The following NOS1 variants were observed in gnomAD, a reference collection of about 807,000 sequenced individuals.
NOS1 encodes the protein NOS type I.
A neutral mutation model predicts 164.5 loss-of-function variants in NOS1; 51 were observed. The ratio of observed to expected loss-of-function variants is 0.31; its 90% CI spans 0.25 to 0.39. NOS1 has a LOEUF of 0.39. NOS1 is among the 10% of genes least tolerant of loss of function. The pLI, the probability that NOS1 is intolerant of heterozygous loss-of-function variation, is 1.00. For synonymous variants in NOS1, 719 were observed against 745.8 expected, an observed-to-expected ratio of 0.96 and a Z score of 0.59; for missense variants, 1,362 against 1,885.6, an observed-to-expected ratio of 0.72 and a Z score of 5.14.
At chr12:117,285,429 C>T in intron 6 of NOS1, 97 bp from the exon 7 acceptor site, 2 of 637,506 alleles carry the variant, frequency 3.1e-6, no homozygotes, top group African/African-American at 1.8e-5. Flanking sequence ...GATCCCACTC[C>T]AGCTGCTGCT....
chr12:117,288,616 T>G (rs1029266269), intron 4 of NOS1, among the ~76,000 whole-genome samples: 1 of 152,160 alleles, frequency 6.6e-6, no homozygotes, highest in Non-Finnish European at 1.5e-5. Flanking sequence ...TTCCCCTCCC[T>G]GTATTCACAC....
intron 1 of NOS1, among the ~76,000 whole-genome samples, chr12:117,343,713 G>GT (rs1377671922): frequency 6.6e-6 from 1 of 152,196 alleles, no homozygotes; most frequent in Non-Finnish European, 1.5e-5. Context: ...TTGCACATCA[G>GT]TGTTAACTTG....
chr12:117,210,537 C>T lies in NOS1; in HGVS notation c.*4772G>A. 2 of 985,364 alleles carry T rather than the reference C, an allele frequency of 2.0e-6. No individual in the cohort carries two copies. The highest frequency in any genetic ancestry group is 2.4e-6 in the Non-Finnish European group (2 of 829,962). 61.0% of individuals were successfully genotyped at this position (985,364 alleles called of 1,614,324 possible). ...CTGGTTTAAAACACAGGCTAGAAGT[C>T]CACAGATTTCCTAATGGCAAGAATG... On this transcript the variant is annotated 3_prime_UTR_variant, in exon 29 of 29. Coordinates refer to ENST00000317775, the MANE Select transcript of NOS1 (RefSeq NM_000620.5).
rs1875543389 is a variant in NOS1 at position 117,331,442 on chromosome 12, C to T, written c.-373G>A. On this transcript the variant is annotated 5_prime_UTR_variant, in exon 2 of 29. Coordinates refer to ENST00000317775, the MANE Select transcript of NOS1 (RefSeq NM_000620.5). ...TAGATGTGAACTATTCTCTGGGTAT[C>T]TTCATTGCCAGCCTGTTAGATGCGG... 1 of 205,608 alleles carries T rather than the reference C, an allele frequency of 4.9e-6. No individual in the cohort carries two copies. The highest frequency in any genetic ancestry group is 5.1e-5 in the Admixed American group (1 of 19,420). The allele number at this position is 205,608 out of a possible 1,614,324, so 12.7% of individuals were successfully genotyped here.
At chr12:117,244,521 G>GAGT (rs1357459042) in intron 18 of NOS1, among the ~76,000 whole-genome samples, 1 of 152,218 alleles carries the variant, frequency 6.6e-6, no homozygotes, top group Non-Finnish European at 1.5e-5. Context: ...TTGCAGGCAT[G>GAGT]AGTCACCATG....
rs56108123 is a variant in NOS1 at position 117,234,444 on chromosome 12, T to A, written c.3235+121A>T. 2.9e-6 allele frequency: 3 copies of A among 1,027,734 alleles called. No individual in the cohort carries two copies. Among genetic ancestry groups the A allele is most frequent in the East Asian group, 2.6e-5 (1 of 39,144 alleles). The allele number at this position is 1,027,734 out of a possible 1,614,324, so 63.7% of individuals were successfully genotyped here. On this transcript the variant is annotated intron_variant, in intron 21 of 28. Coordinates refer to ENST00000317775, the MANE Select transcript of NOS1 (RefSeq NM_000620.5). The surrounding 1 kb of genome is among the most constrained non-coding windows in gnomAD (Gnocchi z 4.3). Reference sequence around the variant, plus strand: ...GGATATCTTTAGTCTCATAGGCTGTTAGCAACAGACACCCACTCTCCTGCC... The same window carrying A: ...GGATATCTTTAGTCTCATAGGCTGTAAGCAACAGACACCCACTCTCCTGCC...
chr12:117,274,897 G>A (rs570117525), intron 9 of NOS1, among the ~76,000 whole-genome samples: 3 of 151,876 alleles, frequency 2.0e-5, no homozygotes, highest in Non-Finnish European at 4.4e-5. Context: ...AACAACGGAT[G>A]AATGGATAAA....
rs562219731 is a variant in NOS1, at chr12:117,258,426, C to T, written c.2502G>A (p.Arg834=). ...TTTCTTCCTGCACAGAGTTGGGGTGCCTCATTTCCATCAAAGCACAGCCGA... is the reference window on the plus strand; with the variant it reads ...TTTCTTCCTGCACAGAGTTGGGGTGTCTCATTTCCATCAAAGCACAGCCGA... ...EKFGCALMEM[R]HPNSVQEERK... is the part of the protein sequence containing the mutation. The change falls in exon 16 of 29, where the codon AGG becomes AGA. Residue 834 remains arginine, a synonymous_variant. Transcript: ENST00000317775. The T allele has an allele frequency of 1.6e-4, 256 of 1,614,138 alleles. No individual in the cohort carries two copies. The East Asian group carries it at 3.4e-3, about 21-fold the overall frequency.
chr12:117,356,623 G>T lies in NOS1; in HGVS notation c.-421+4889C>A, dbSNP rs576820853. 6.6e-6 allele frequency among the ~76,000 whole-genome samples: 1 copy of T among 152,216 alleles called. No homozygotes were observed. Among genetic ancestry groups the T allele is most frequent in the Non-Finnish European group, 1.5e-5 (1 of 68,032 alleles). ...GGCCTTGCCATTTAACACGTGTCAT[G>T]ACACATACAATAAATGTGCTGACGT... On this transcript the variant is annotated intron_variant, in intron 1 of 28. Coordinates refer to ENST00000317775, the MANE Select transcript of NOS1 (RefSeq NM_000620.5). This position sits in a 1 kb window ranked among gnomAD's most constrained non-coding sequence, Gnocchi z 4.2.
At chr12:117,278,448 A>G (rs1873356274) in intron 8 of NOS1, among the ~76,000 whole-genome samples, 2 of 152,178 alleles carry the variant, frequency 1.3e-5, no homozygotes, top group African/African-American at 4.8e-5. Context: ...TTCCCTGCCC[A>G]CTGGAATTCC....
intron 5 of NOS1, 109 bp from the exon 6 acceptor site, chr12:117,286,375 T>C (rs1874119525): frequency 8.4e-7 from 1 of 1,185,066 alleles, no homozygotes; most frequent in African/African-American, 1.5e-5. Flanking sequence ...AATTCCAAGT[T>C]GATTTCTGGA....
At chr12:117,249,081 A>G (rs1254912141) in intron 17 of NOS1, among the ~76,000 whole-genome samples, 1 of 152,132 alleles carries the variant, frequency 6.6e-6, no homozygotes, top group South Asian at 2.1e-4. Flanking sequence ...AGTTCATTGT[A>G]GATTCTGGAT....
intron 2 of NOS1, among the ~76,000 whole-genome samples, chr12:117,323,493 T>C (rs1875087619): frequency 6.6e-6 from 1 of 152,242 alleles, no homozygotes; most frequent in Non-Finnish European, 1.5e-5. Context: ...TTGCTAGCTG[T>C]GTGATCTGGG....
chr12:117,332,552 C>T (rs1348719556), intron 1 of NOS1, among the ~76,000 whole-genome samples: 1 of 151,960 alleles, frequency 6.6e-6, no homozygotes, highest in Middle Eastern at 3.2e-3. Flanking sequence ...CATAGCAAGA[C>T]CCTTTCTCTA....
chr12:117,312,915 A>G (rs1288974185), intron 2 of NOS1, among the ~76,000 whole-genome samples: 2 of 152,074 alleles, frequency 1.3e-5, no homozygotes, highest in African/African-American at 2.4e-5. Context: ...GACCACTACC[A>G]CAATCATCAC....
At chr12:117,219,607 G>A (rs148247083) in intron 27 of NOS1, among the ~76,000 whole-genome samples, 3 of 152,018 alleles carry the variant, frequency 2.0e-5, no homozygotes, top group Non-Finnish European at 4.4e-5. Flanking sequence ...GAGCCCAGCC[G>A]GGGTGAGTTT....
intron 1 of NOS1, among the ~76,000 whole-genome samples, chr12:117,350,576 T>C (rs1876569969): frequency 6.6e-6 from 1 of 152,312 alleles, no homozygotes; most frequent in East Asian, 1.9e-4. Context: ...ATAAGGACCC[T>C]ACAGAAAACT....
rs369901276 is a variant in NOS1 at position 117,210,697 on chromosome 12, T to C, written c.*4612A>G. On this transcript the variant is annotated 3_prime_UTR_variant, in exon 29 of 29. Transcript: ENST00000317775. ...CTTGTTTTGAGCTTAGGGCAAGACC[T>C]GACCTCTTTCAAAGTCCAGAGCAGG... 19 of 985,460 alleles carry C rather than the reference T, an allele frequency of 1.9e-5. No homozygotes were observed. In the East Asian group the frequency reaches 9.1e-4, roughly 47 times the overall value. The allele number at this position is 985,460 out of a possible 1,614,324, so 61.0% of individuals were successfully genotyped here.
chr12:117,288,916 T>C (rs1409167746), intron 4 of NOS1, among the ~76,000 whole-genome samples: 1 of 152,136 alleles, frequency 6.6e-6, no homozygotes, highest in Non-Finnish European at 1.5e-5. Flanking sequence ...AGCTGACCCC[T>C]CAGATGTAAC....
Sources: gnomAD v4.1 joint callset for allele counts (sites outside exome capture counted in the v4.1 genomes callset) on GRCh38, gnomAD v4.1.1 for gene constraint, Gnocchi (gnomAD v3.1) non-coding constraint, MANE v1.5 for transcripts, NCBI Gene and HGNC (gene_info 2026-07-23, HGNC 2026-07-21) for gene names.